SEC11A: variants seen among roughly 807,000 people sequenced by gnomAD.
SEC11A encodes signal peptidase complex catalytic subunit SEC11A.
In SEC11A, 14 loss-of-function variants were observed where a neutral mutation model predicts 25.6. That is an observed-to-expected ratio of 0.55 (90% confidence interval 0.36 to 0.85). SEC11A has a LOEUF of 0.85. Ranked by LOEUF, SEC11A falls within the 40% of genes least tolerant of loss-of-function variation. The pLI is 0.01. For missense variants in SEC11A, 153 were observed against 222.9 expected (o/e 0.69, Z 2.00); for synonymous variants, 83 against 76.4 (o/e 1.09, Z -0.45).
At chr15:84,677,407 G>A (rs568474809) in intron 4 of SEC11A, among the ~76,000 whole-genome samples, 1 of 151,090 alleles carries the variant, frequency 6.6e-6, no homozygotes, top group South Asian at 2.1e-4. Context: ...GCTCAAAATG[G>A]TCTATAGTTT....
chr15:84,699,207 C>G (rs984925939), intron 1 of SEC11A, among the ~76,000 whole-genome samples: 1 of 148,718 alleles, frequency 6.7e-6, no homozygotes, highest in East Asian at 2.1e-4. Flanking sequence ...CCCAGCTGCT[C>G]GGGAGGTTGA....
chr15:84,716,030 G>T lies in SEC11A; in HGVS notation c.46C>A (p.Arg16=). The change falls in exon 1 of 6, where the codon CGG becomes AGG. Residue 16 remains arginine (R), a synonymous_variant. Transcript: ENST00000268220. ...AAGAGGACGGACAAGCTCACCTGCC[G>T]CTTGTTCATCCGCCGCACATCGTCC... The part of the protein sequence containing the change: ...FLDDVRRMNK[R]QLYYQVLNFG... The T allele has an allele frequency of 6.2e-7, 1 of 1,613,506 alleles. No individual in the cohort carries two copies. The highest frequency in any genetic ancestry group is 8.5e-7 in the Non-Finnish European group (1 of 1,179,654).
chr15:84,689,834 C>G (rs1291923797), intron 2 of SEC11A, among the ~76,000 whole-genome samples: 1 of 152,134 alleles, frequency 6.6e-6, no homozygotes, highest in East Asian at 1.9e-4. Flanking sequence ...TCTCGAACTC[C>G]TAGCCTCAAG....
Position 84,716,135 on chromosome 15 carries a change from C to A in SEC11A, c.-60G>T. ...AGGGCGCGATGACCAGCGGGCGGAA[C>A]TACTGGAGCTCGGGTCGGGCTCACA... On this transcript the variant is annotated 5_prime_UTR_variant, in exon 1 of 6. Coordinates refer to ENST00000268220, the MANE Select transcript of SEC11A (RefSeq NM_014300.4). 6.5e-7 allele frequency: 1 copy of A among 1,528,238 alleles called. No individual in the cohort carries two copies. The highest frequency in any genetic ancestry group is 9.0e-7 in the Non-Finnish European group (1 of 1,105,246). The allele number at this position is 1,528,238 out of a possible 1,614,324, so 94.7% of individuals were successfully genotyped here.
At chr15:84,704,272 T>C (rs571763319) in intron 1 of SEC11A, among the ~76,000 whole-genome samples, 10 of 152,320 alleles carry the variant, frequency 6.6e-5, no homozygotes, top group South Asian at 2.1e-4. Context: ...CCATACAACA[T>C]TGCTTCTGAC....
At chr15:84,714,076 C>T (rs1898379796) in intron 1 of SEC11A, among the ~76,000 whole-genome samples, 3 of 127,706 alleles carry the variant, frequency 2.3e-5, no homozygotes, top group Non-Finnish European at 3.1e-5. Flanking sequence ...GGCTGGAGTG[C>T]GGTGGCACGA....
chr15:84,693,054 C>A (rs1897655626), intron 1 of SEC11A, among the ~76,000 whole-genome samples: 1 of 152,124 alleles, frequency 6.6e-6, no homozygotes, highest in East Asian at 1.9e-4. Context: ...AACTCCTGGG[C>A]TCAAGCAATC....
At chr15:84,709,940 G>A (rs768331720) in intron 1 of SEC11A, among the ~76,000 whole-genome samples, 5 of 152,158 alleles carry the variant, frequency 3.3e-5, no homozygotes, top group Admixed American at 6.5e-5. Flanking sequence ...ATGGGGTTTC[G>A]CTATGTTGCC....
At chr15:84,672,244 C>T in intron 4 of SEC11A, 1 of 164,228 alleles carries the variant, frequency 6.1e-6, no homozygotes, top group Non-Finnish European at 1.3e-5. Flanking sequence ...CCTGACCATG[C>T]CCCTGCCCCT....
intron 3 of SEC11A, 33 bp downstream of exon 3, chr15:84,687,592 C>T: frequency 6.6e-7 from 1 of 1,507,798 alleles, no homozygotes; most frequent in Non-Finnish European, 8.8e-7. Flanking sequence ...AACAAAAGCA[C>T]TTAGAAACAA....
At chr15:84,693,511 G>A (rs1178978059) in intron 1 of SEC11A, among the ~76,000 whole-genome samples, 1 of 148,630 alleles carries the variant, frequency 6.7e-6, no homozygotes, top group African/African-American at 2.5e-5. Flanking sequence ...AGGCTGGAGT[G>A]CAGTGACATG....
At chr15:84,714,018 CTTTTTTT>C (rs34873142) in intron 1 of SEC11A, among the ~76,000 whole-genome samples, 2 of 100,428 alleles carry the variant, frequency 2.0e-5, no homozygotes, top group South Asian at 3.2e-4. Context: ...CATATACCTT[CTTTTTTT>C]TTTTTTTTTT....
At chr15:84,709,943 A>G (rs1405031256) in intron 1 of SEC11A, among the ~76,000 whole-genome samples, 3 of 152,082 alleles carry the variant, frequency 2.0e-5, no homozygotes, top group East Asian at 1.9e-4. Context: ...GGGTTTCGCT[A>G]TGTTGCCCAG....
At chr15:84,698,401 A>C (rs1361202905) in intron 1 of SEC11A, among the ~76,000 whole-genome samples, 1 of 152,212 alleles carries the variant, frequency 6.6e-6, no homozygotes, top group Non-Finnish European at 1.5e-5. Context: ...GGGACTCATT[A>C]ATCCATAATC....
chr15:84,708,942 G>C (rs1898181148), intron 1 of SEC11A, among the ~76,000 whole-genome samples: 1 of 152,032 alleles, frequency 6.6e-6, no homozygotes, highest in Non-Finnish European at 1.5e-5. Flanking sequence ...ATTTAGGCAG[G>C]AAGGCATACA....
At chr15:84,690,658 A>C (rs1190974758) in intron 2 of SEC11A, among the ~76,000 whole-genome samples, 1 of 152,114 alleles carries the variant, frequency 6.6e-6, no homozygotes, top group Admixed American at 6.6e-5. Context: ...AAAGATAGGG[A>C]AGGAAGCAGA....
chr15:84,689,425 TAA>T (rs1006182879), intron 2 of SEC11A, among the ~76,000 whole-genome samples: 148 of 152,224 alleles, frequency 9.7e-4, no homozygotes, highest in African/African-American at 3.4e-3. Context: ...ATAATTTGGT[TAA>T]AAAAGAGTAA....
chr15:84,713,935 G>T (rs1276913295), intron 1 of SEC11A, among the ~76,000 whole-genome samples: 1 of 151,068 alleles, frequency 6.6e-6, no homozygotes, highest in Non-Finnish European at 1.5e-5. Flanking sequence ...ACCACTGCTA[G>T]AACAGGTCAT....
chr15:84,707,691 C>T (rs868641951), intron 1 of SEC11A, among the ~76,000 whole-genome samples: 2 of 152,096 alleles, frequency 1.3e-5, no homozygotes, highest in Non-Finnish European at 2.9e-5. Flanking sequence ...ACCACAGTTT[C>T]TCCTAAGGGG....
Sources: allele counts gnomAD v4.1 joint callset (sites outside exome capture counted in the v4.1 genomes callset), GRCh38; gene constraint gnomAD v4.1.1; transcripts MANE v1.5; gene names NCBI Gene and HGNC (gene_info 2026-07-23, HGNC 2026-07-21).